Variants in OR11A1 observed in about 807,000 individuals in gnomAD.
OR11A1 encodes the protein olfactory receptor family 11 subfamily A member 1, also known as olfactory receptor 11A1.
For missense variants in OR11A1, 380 were observed against 378.2 expected, an observed-to-expected ratio of 1.00 and a Z score of -0.04; for synonymous variants, 158 against 152.2, an observed-to-expected ratio of 1.04 and a Z score of -0.28.
chr6:29,439,414 C>A (rs1783907312), intron 1 of OR11A1: 1 of 152,204 alleles, frequency 6.6e-6, no homozygotes, highest in Non-Finnish European at 1.5e-5. Context: ...GCTATAGGAG[C>A]TTAAAAAGAG....
intron 1 of OR11A1, chr6:29,440,330 C>G (rs1156931949): frequency 6.2e-7 from 1 of 1,614,130 alleles, no homozygotes; most frequent in African/African-American, 1.3e-5. Flanking sequence ...TCTTCCTCTT[C>G]TTTGGCGCCA....
chr6:29,431,810 T>C, intron 2 of OR11A1, 54 bp downstream of exon 2: 1 of 974,866 alleles, frequency 1.0e-6, no homozygotes, highest in Non-Finnish European at 1.2e-6. Context: ...CCATTTAACT[T>C]TTTTAAAGAA....
chr6:29,440,493 C>T (rs2074468), intron 1 of OR11A1: 74,618 of 1,613,438 alleles, frequency 0.046, 3,732 homozygotes, highest in African/African-American at 0.24. Context: ...GGGCCACACC[C>T]CTTTCATCTT....
rs763341860 is a variant in OR11A1, at chr6:29,427,263, T to C, written c.379A>G (p.Ile127Val). ...AGTGGGTAGTGGAGTGGGTAGCAAA[T>C]TGCCAGGTAGCGGTCATATGCCATG... The part of the protein sequence containing the change: ...AVMAYDRYLA[I>V]CYPLHYPLLM... The change falls in exon 5 of 5, where the codon ATT (isoleucine) becomes GTT (valine). Residue 127 changes from isoleucine to valine, a missense_variant. Transcript: ENST00000377149. 4 of 1,612,958 alleles carry C rather than the reference T, an allele frequency of 2.5e-6. No homozygotes were observed. Among genetic ancestry groups the C allele is most frequent in the Non-Finnish European group, 3.4e-6 (4 of 1,179,982 alleles).
chr6:29,456,093 G>A (rs1786171696), intron 1 of OR11A1, among the ~76,000 whole-genome samples: 1 of 151,760 alleles, frequency 6.6e-6, no homozygotes, highest in Non-Finnish European at 1.5e-5. Flanking sequence ...AGCTGGGCAT[G>A]GTGGTACATG....
intron 2 of OR11A1, among the ~76,000 whole-genome samples, chr6:29,430,965 T>C (rs1783187389): frequency 6.6e-6 from 1 of 152,128 alleles, no homozygotes; most frequent in South Asian, 2.1e-4. Context: ...GAATTTGGAA[T>C]TGGAAAACTC....
At chr6:29,451,944 T>C (rs1050142901) in intron 1 of OR11A1, among the ~76,000 whole-genome samples, 2 of 152,086 alleles carry the variant, frequency 1.3e-5, no homozygotes, top group Non-Finnish European at 2.9e-5. Flanking sequence ...CTATCAACAG[T>C]GGACTGGAGA....
intron 3 of OR11A1, among the ~76,000 whole-genome samples, chr6:29,429,599 T>C (rs1397678832): frequency 1.3e-5 from 2 of 152,108 alleles, no homozygotes; most frequent in Non-Finnish European, 2.9e-5. Context: ...TGATGAGTGA[T>C]TGCAGTGGAA....
chr6:29,427,707 C>A lies in OR11A1; in HGVS notation c.-66G>T. The A allele has an allele frequency of 6.5e-7, 1 of 1,533,814 alleles. No homozygotes were observed. On this transcript the variant is annotated 5_prime_UTR_variant, in exon 5 of 5. Transcript: ENST00000377149. Reference sequence around the variant, plus strand: ...AAATTTTAGCATGTCTCTGCATCTTCTATACCAAGCCTAACGTTATTAGAG... The same window carrying A: ...AAATTTTAGCATGTCTCTGCATCTTATATACCAAGCCTAACGTTATTAGAG...
intron 1 of OR11A1, among the ~76,000 whole-genome samples, chr6:29,456,305 G>A (rs1360697978): frequency 6.6e-6 from 1 of 151,314 alleles, no homozygotes; most frequent in East Asian, 1.9e-4. Flanking sequence ...GGCGGATCAC[G>A]AGGTCAGGAG....
chr6:29,446,470 C>A (rs1313058919), intron 1 of OR11A1, among the ~76,000 whole-genome samples: 1 of 152,206 alleles, frequency 6.6e-6, no homozygotes, highest in Non-Finnish European at 1.5e-5. Flanking sequence ...GACAATGTCA[C>A]CTGCCAGGGG....
chr6:29,447,590 GAT>G (rs1314945668), intron 1 of OR11A1, among the ~76,000 whole-genome samples: 1 of 152,240 alleles, frequency 6.6e-6, no homozygotes, highest in East Asian at 1.9e-4. Flanking sequence ...GAGGACTAGA[GAT>G]AAGTACAGGG....
intron 2 of OR11A1, 146 bp from the exon 3 acceptor site, chr6:29,430,571 C>A: frequency 2.7e-6 from 1 of 365,432 alleles, no homozygotes. Context: ...AACAGAAAGT[C>A]AAATATTGCA....
At chr6:29,449,546 C>A (rs771701285) in intron 1 of OR11A1, among the ~76,000 whole-genome samples, 5 of 152,150 alleles carry the variant, frequency 3.3e-5, no homozygotes, top group Non-Finnish European at 7.3e-5. Context: ...CTTTCTTTCC[C>A]AGTTATGATT....
Position 29,433,617 on chromosome 6 carries a change from T to C in OR11A1, c.-388-1630A>G, listed in dbSNP as rs187460971. On this transcript the variant is annotated intron_variant, in intron 1 of 4. Coordinates refer to ENST00000377149, the MANE Select transcript of OR11A1 (RefSeq NM_001394828.1). Reference sequence around the variant, plus strand: ...TTAGGTTTATTCCACATCTTGGCTATTGTGAATAATACTACAATGAATATG... The same window carrying C: ...TTAGGTTTATTCCACATCTTGGCTACTGTGAATAATACTACAATGAATATG... Among the ~76,000 whole-genome samples, 14 of 152,270 alleles carry C rather than the reference T, an allele frequency of 9.2e-5. No homozygotes were observed. In the East Asian group the frequency reaches 2.7e-3, roughly 29 times the overall value.
intron 3 of OR11A1, 66 bp from the exon 4 acceptor site, chr6:29,429,026 C>CAAAAATTTATATATATATATT: frequency 2.5e-6 from 1 of 398,656 alleles, no homozygotes; most frequent in African/African-American, 2.2e-5. Flanking sequence ...AGAAAAAAAG[C>CAAAAATTTATATATATATATT]AGATATCATA....
rs115361970 is a variant in OR11A1, at chr6:29,433,711, C to T, written c.-388-1724G>A. Among the ~76,000 whole-genome samples the T allele has an allele frequency of 6.6e-3, 997 of 151,754 alleles. 9 individuals are homozygous for T. The highest frequency in any genetic ancestry group is 0.01 in the Middle Eastern group (3 of 294). ...GACAAGGGATTGCTGGGTCATACAA[C>T]GGTTCTATTTTTAATTTTTTCAGAA... On this transcript the variant is annotated intron_variant, in intron 1 of 4. Coordinates refer to ENST00000377149, the MANE Select transcript of OR11A1 (RefSeq NM_001394828.1).
chr6:29,438,218 A>C (rs1406481948), intron 1 of OR11A1, among the ~76,000 whole-genome samples: 1 of 152,220 alleles, frequency 6.6e-6, no homozygotes, highest in East Asian at 1.9e-4. Context: ...ATGTATAAAA[A>C]CACAGAAGAA....
At chr6:29,444,286 C>T (rs1784501678) in intron 1 of OR11A1, among the ~76,000 whole-genome samples, 1 of 152,192 alleles carries the variant, frequency 6.6e-6, no homozygotes, top group African/African-American at 2.4e-5. Flanking sequence ...TGTGAGGCCT[C>T]CCCAGTCATG....
Sources: allele counts gnomAD v4.1 joint callset (sites outside exome capture counted in the v4.1 genomes callset), GRCh38; gene constraint gnomAD v4.1.1; transcripts MANE v1.5; gene names NCBI Gene and HGNC (gene_info 2026-07-23, HGNC 2026-07-21).